The following RGS7 variants were observed in gnomAD, a reference collection of about 807,000 sequenced individuals.
RGS7 encodes the protein regulator of G-protein signaling 7.
RGS7 carries 27 observed loss-of-function variants against 81.1 expected under a neutral mutation model. The observed-to-expected ratio is 0.33, with a 90% CI of 0.25 to 0.46. RGS7 has a LOEUF of 0.46. Ranked by LOEUF, RGS7 falls within the 20% of genes least tolerant of loss-of-function variation. The pLI is 1.00. For synonymous variants in RGS7, 208 were observed against 207.7 expected (o/e 1.00, Z -0.01); for missense variants, 396 against 607.4 (o/e 0.65, Z 3.66).
chr1:241,232,077 A>C (rs1194009463), intron 2 of RGS7, among the ~76,000 whole-genome samples: 2 of 152,214 alleles, frequency 1.3e-5, no homozygotes, highest in African/African-American at 4.8e-5. Flanking sequence ...TTGTTTAGAA[A>C]ACAATGCTTA....
intron 3 of RGS7, among the ~76,000 whole-genome samples, chr1:241,013,188 C>A (rs754002082): frequency 6.6e-6 from 1 of 151,318 alleles, no homozygotes; most frequent in Non-Finnish European, 1.5e-5. Context: ...TCAGCCTTCC[C>A]AGTAGCTAGG....
At chr1:240,982,548 C>G (rs1484412882) in intron 4 of RGS7, among the ~76,000 whole-genome samples, 3 of 151,130 alleles carry the variant, frequency 2.0e-5, no homozygotes, top group African/African-American at 7.3e-5. Context: ...TTTTCTGCTA[C>G]AGAATAGACA....
chr1:241,306,195 C>T (rs1294739045), intron 2 of RGS7, among the ~76,000 whole-genome samples: 16 of 150,468 alleles, frequency 1.1e-4, no homozygotes, highest in African/African-American at 3.2e-4. Context: ...TGCACAAATA[C>T]ACACACAGGT....
At chr1:240,835,707 T>G (rs1258381803) in intron 9 of RGS7, among the ~76,000 whole-genome samples, 4 of 152,172 alleles carry the variant, frequency 2.6e-5, no homozygotes, top group South Asian at 2.1e-4. Flanking sequence ...AGTAGGTGAA[T>G]GTATAAACTG....
intron 2 of RGS7, among the ~76,000 whole-genome samples, chr1:241,099,776 A>G (rs1419097241): frequency 1.3e-5 from 2 of 152,214 alleles, no homozygotes; most frequent in African/African-American, 4.8e-5. Context: ...TACACCAGAC[A>G]TATGACTGGG....
chr1:241,022,965 A>T (rs1373602950), intron 3 of RGS7, among the ~76,000 whole-genome samples: 1 of 152,070 alleles, frequency 6.6e-6, no homozygotes, highest in Non-Finnish European at 1.5e-5. Context: ...ATAATAACTA[A>T]TAACAACTAT....
chr1:240,905,328 C>T (rs1250827161), intron 6 of RGS7, among the ~76,000 whole-genome samples: 1 of 152,028 alleles, frequency 6.6e-6, no homozygotes, highest in South Asian at 2.1e-4. Context: ...TGTAAAAGAA[C>T]CCTTGTTACC....
At chr1:240,791,955 T>C (rs918416038) in intron 18 of RGS7, among the ~76,000 whole-genome samples, 5 of 152,226 alleles carry the variant, frequency 3.3e-5, no homozygotes, top group Admixed American at 1.3e-4. Flanking sequence ...GATTGAGAGT[T>C]GACCATCTGC....
Position 240,806,122 on chromosome 1 carries a change from G to C in RGS7, c.1269+18C>G. 4 of 1,609,910 alleles carry C rather than the reference G, an allele frequency of 2.5e-6. No homozygotes were observed. The highest frequency in any genetic ancestry group is 3.4e-6 in the Non-Finnish European group (4 of 1,176,986). ...TCTCGGAAGCACGTTTGTGGTGTGA[G>C]GCTCACCGTACACCCACCTGAGCAT... is the stretch of plus-strand genomic sequence containing the variant. On this transcript the variant is annotated intron_variant, in intron 15 of 18. Transcript: ENST00000440928.
intron 6 of RGS7, among the ~76,000 whole-genome samples, chr1:240,926,548 G>A (rs540929896): frequency 1.3e-5 from 2 of 152,256 alleles, no homozygotes; most frequent in African/African-American, 4.8e-5. Context: ...GACCCTTTGT[G>A]TGCAATGTGT....
At position 241,271,418 on chromosome 1, in the gene RGS7, A is replaced by G. The variant is rs1345438299; in HGVS notation, c.78+84281T>C. Among the ~76,000 whole-genome samples, 1 of 152,210 alleles carries G rather than the reference A, an allele frequency of 6.6e-6. No homozygotes were observed. The highest frequency in any genetic ancestry group is 2.4e-5 in the African/African-American group (1 of 41,460). On this transcript the variant is annotated intron_variant, in intron 2 of 18. Coordinates refer to ENST00000440928, the MANE Select transcript of RGS7 (RefSeq NM_001364886.1). This position sits in a 1 kb window ranked among gnomAD's most constrained non-coding sequence, Gnocchi z 4.6. ...ATCTGGATGCTCCATACTTCAAACA[A>G]TTCCCATTAAATGCATTAAGGCTTT...
intron 4 of RGS7, among the ~76,000 whole-genome samples, chr1:240,980,419 A>G (rs1684743265): frequency 6.6e-6 from 1 of 152,166 alleles, no homozygotes; most frequent in African/African-American, 2.4e-5. Context: ...ACATCAAACC[A>G]TCCCTAGAGA....
chr1:240,854,560 C>T (rs1463928303), intron 9 of RGS7, among the ~76,000 whole-genome samples: 3 of 152,190 alleles, frequency 2.0e-5, no homozygotes, highest in East Asian at 3.9e-4. Flanking sequence ...TACGCCTCGT[C>T]TGGACTTTTC....
intron 2 of RGS7, among the ~76,000 whole-genome samples, chr1:241,150,668 T>C (rs1202041179): frequency 2.0e-5 from 3 of 152,210 alleles, no homozygotes; most frequent in Non-Finnish European, 4.4e-5. Context: ...GTCAGTGTTC[T>C]CCAAAGAGAC....
intron 2 of RGS7, among the ~76,000 whole-genome samples, chr1:241,300,740 G>GC (rs1558290610): frequency 6.6e-6 from 1 of 152,196 alleles, no homozygotes; most frequent in African/African-American, 2.4e-5. Context: ...ACAGGTTTTT[G>GC]TGTGGACATG....
chr1:240,886,788 C>G (rs1217600811), intron 6 of RGS7, among the ~76,000 whole-genome samples: 1 of 152,130 alleles, frequency 6.6e-6, no homozygotes, highest in Non-Finnish European at 1.5e-5. Flanking sequence ...AAAGGCCCAG[C>G]AACATGGGGA....
At chr1:241,351,723 G>T (rs887043753) in intron 2 of RGS7, among the ~76,000 whole-genome samples, 4 of 152,172 alleles carry the variant, frequency 2.6e-5, no homozygotes, top group Non-Finnish European at 4.4e-5. Context: ...AGGAGAGAAT[G>T]GGCATAGGAG....
At chr1:241,094,609 C>CAAAACAAAAACA (rs3078666) in intron 3 of RGS7, among the ~76,000 whole-genome samples, 9 of 151,656 alleles carry the variant, frequency 5.9e-5, no homozygotes, top group South Asian at 2.1e-4. Flanking sequence ...ACTCTAAAAC[C>CAAAACAAAAACA]AAAACAAAAA....
At chr1:241,161,735 T>C (rs1210152166) in intron 2 of RGS7, among the ~76,000 whole-genome samples, 6 of 135,406 alleles carry the variant, frequency 4.4e-5, no homozygotes, top group East Asian at 2.2e-4. Flanking sequence ...TTTTTTTTTT[T>C]GAGACAGAGT....
Sources: gnomAD v4.1 joint callset for allele counts (sites outside exome capture counted in the v4.1 genomes callset) on GRCh38, gnomAD v4.1.1 for gene constraint, Gnocchi (gnomAD v3.1) non-coding constraint, MANE v1.5 for transcripts, NCBI Gene and HGNC (gene_info 2026-07-23, HGNC 2026-07-21) for gene names.